Variants in CNGA4 observed in about 807,000 individuals in gnomAD.
CNGA4 encodes cyclic nucleotide gated channel subunit alpha 4.
A neutral mutation model predicts 45.6 loss-of-function variants in CNGA4; 32 were observed. The observed-to-expected ratio is 0.70, with a 90% confidence interval of 0.53 to 0.94. The LOEUF (loss-of-function observed/expected upper bound fraction) is 0.94. Among genes scored for constraint, CNGA4 ranks in the 40% least tolerant of loss-of-function variants. The pLI, the probability that CNGA4 is intolerant of heterozygous loss-of-function variation, is 0.00. For missense variants in CNGA4, 726 were observed against 755.1 expected, an observed-to-expected ratio of 0.96 and a Z score of 0.45; for synonymous variants, 293 against 304.6, an observed-to-expected ratio of 0.96 and a Z score of 0.40.
rs1187219930 is a variant in CNGA4 at position 6,241,772 on chromosome 11, A to G, written c.1259A>G (p.Asn420Ser). The G allele has an allele frequency of 1.9e-6, 3 of 1,613,986 alleles. No homozygotes were observed. Among genetic ancestry groups the G allele is most frequent in the South Asian group, 1.1e-5 (1 of 91,082 alleles). Residue 420 changes from asparagine (N) to serine (S), a missense_variant, in exon 5 of 6, where the codon AAC becomes AGC. Transcript: ENST00000379936. Reference sequence around the variant, plus strand: ...TACTTTGGGGAGATCAGCATCATCAACATCAAAGGTGGGTATCCCAGTATT... The same window carrying G: ...TACTTTGGGGAGATCAGCATCATCAGCATCAAAGGTGGGTATCCCAGTATT... ...GLYFGEISII[N>S]IKGNMSGNRR...
chr11:6,240,395 T>G lies in CNGA4; in HGVS notation c.601T>G (p.Trp201Gly), dbSNP rs1211538852. 1.2e-6 allele frequency: 2 copies of G among 1,614,232 alleles called. No homozygotes were observed. The highest frequency in any genetic ancestry group is 1.1e-5 in the South Asian group (1 of 91,092). The change falls in exon 4 of 6, where the codon TGG becomes GGG. Residue 201 changes from tryptophan to glycine, a missense_variant. Transcript: ENST00000379936. This position sits in a 1 kb window ranked among gnomAD's most constrained non-coding sequence, Gnocchi z 4.9. Reference sequence around the variant, plus strand: ...GTACCTGGGCTTCGGGCGTGACGCATGGGTGTACCCGGACCCCGCGCAGCC... The same window carrying G: ...GTACCTGGGCTTCGGGCGTGACGCAGGGGTGTACCCGGACCCCGCGCAGCC... The part of the protein sequence containing the change: ...SRYLGFGRDA[W>G]VYPDPAQPGF...
intron 5 of CNGA4, 75 bp from the exon 6 acceptor site, chr11:6,243,874 T>C: frequency 7.4e-7 from 1 of 1,348,922 alleles, no homozygotes; most frequent in Non-Finnish European, 1.0e-6. Context: ...GAGGTGAAGG[T>C]CCTGGTTCAG....
chr11:6,235,213 G>A (rs143719132), upstream of CNGA4, among the ~76,000 whole-genome samples: 210 of 152,266 alleles, frequency 1.4e-3, 1 homozygote, highest in East Asian at 0.014. Context: ...GGCTGACTGC[G>A]GGCACTCTAG....
rs560181438 is a variant in CNGA4 at position 6,244,294 on chromosome 11, A to G, written c.1613A>G (p.Glu538Gly). 6.2e-7 allele frequency: 1 copy of G among 1,614,104 alleles called. No individual in the cohort carries two copies. The highest frequency in any genetic ancestry group is 2.2e-5 in the East Asian group (1 of 44,880). Residue 538 changes from glutamate (E) to glycine (G), a missense_variant, in exon 6 of 6, where the codon GAG (glutamate) becomes GGG (glycine). Glu to Gly is a moderately conservative substitution (Grantham distance 98). Coordinates refer to ENST00000379936, the MANE Select transcript of CNGA4 (RefSeq NM_001037329.4). The surrounding 1 kb of genome is among the most constrained non-coding windows in gnomAD (Gnocchi z 4.5). ...RIERLEWQTR[E>G]WPMPEDLAEA... ...GAACGGCTGGAGTGGCAGACTCGAG[A>G]GTGGCCAATGCCCGAGGACCTGGCT...
Position 6,244,025 on chromosome 11 carries a change from G to A in CNGA4, c.1344G>A (p.Glu448=). Residue 448 remains glutamate, a synonymous_variant, in exon 6 of 6, where the codon GAG becomes GAA. Transcript: ENST00000379936. The surrounding 1 kb of genome is among the most constrained non-coding windows in gnomAD (Gnocchi z 4.5). The stretch of plus-strand genomic sequence containing the variant: ...CAGACCTATTCTGCCTGAGCAAGGA[G>A]GACCTGCGGGAGGTGCTGAGCGAGT... ...GYSDLFCLSK[E]DLREVLSEYP... 1 of 1,614,192 alleles carries A rather than the reference G, an allele frequency of 6.2e-7. No homozygotes were observed.
intron 5 of CNGA4, among the ~76,000 whole-genome samples, chr11:6,243,217 T>C (rs1847942700): frequency 6.6e-6 from 1 of 152,220 alleles, no homozygotes; most frequent in South Asian, 2.1e-4. Context: ...TGCATTTCTA[T>C]AAAGAAATAT....
upstream of CNGA4, among the ~76,000 whole-genome samples, chr11:6,235,947 A>G (rs1368101935): frequency 6.6e-6 from 1 of 151,904 alleles, no homozygotes; most frequent in Non-Finnish European, 1.5e-5. Flanking sequence ...TCAAAAAAAA[A>G]AAAAGAAAAG....
chr11:6,244,300 C>T lies in CNGA4; in HGVS notation c.1619C>T (p.Pro540Leu), dbSNP rs762111981. The T allele has an allele frequency of 6.2e-7, 1 of 1,614,098 alleles. No individual in the cohort carries two copies. Among genetic ancestry groups the T allele is most frequent in the South Asian group, 1.1e-5 (1 of 91,072 alleles). ...CTGGAGTGGCAGACTCGAGAGTGGC[C>T]AATGCCCGAGGACCTGGCTGAGGCT... is the stretch of plus-strand genomic sequence containing the variant. The part of the protein sequence containing the change: ...ERLEWQTREW[P>L]MPEDLAEADD... The change falls in exon 6 of 6, where the codon CCA becomes CTA. Residue 540 changes from proline to leucine, a missense_variant. Physicochemically the swap from Pro to Leu is moderately conservative, Grantham distance 98 (BLOSUM62 -3). Transcript: ENST00000379936. This position sits in a 1 kb window ranked among gnomAD's most constrained non-coding sequence, Gnocchi z 4.5.
Position 6,244,167 on chromosome 11 carries a change from C to T in CNGA4, c.1486C>T (p.Arg496Trp), listed in dbSNP as rs761042039. The change falls in exon 6 of 6, where the codon CGG becomes TGG. Residue 496 changes from arginine (R) to tryptophan (W), a missense_variant. Transcript: ENST00000379936. This position sits in a 1 kb window ranked among gnomAD's most constrained non-coding sequence, Gnocchi z 4.5. ...CGCCCTGCAGGAGGCCACAGAGTCC[C>T]GGCTACGAGGCCTAGACCAGCAGCT... ...EIALQEATES[R>W]LRGLDQQLDD... is the part of the protein sequence containing the mutation. The T allele has an allele frequency of 9.2e-5, 148 of 1,614,062 alleles. No homozygotes were observed. The highest frequency in any genetic ancestry group is 1.2e-4 in the Admixed American group (7 of 59,996).
At position 6,240,731 on chromosome 11, in the gene CNGA4, G is replaced by A. The variant is rs748833045; in HGVS notation, c.917+20G>A. On this transcript the variant is annotated intron_variant, in intron 4 of 5. Transcript: ENST00000379936. This position sits in a 1 kb window ranked among gnomAD's most constrained non-coding sequence, Gnocchi z 4.9. ...TGACTGGTGAGAAGGCGGGGTTCCA[G>A]ACCAGGACAGGGACCAGTGTAGGTG... 4 of 1,604,716 alleles carry A rather than the reference G, an allele frequency of 2.5e-6. No individual in the cohort carries two copies. Among genetic ancestry groups the A allele is most frequent in the Non-Finnish European group, 3.4e-6 (4 of 1,174,668 alleles).
chr11:6,240,264 CAG>C lies in CNGA4; in HGVS notation c.474_475del (p.Glu158AspfsTer41). 1 of 1,614,248 alleles carries C rather than the reference CAG, an allele frequency of 6.2e-7. No individual in the cohort carries two copies. The highest frequency in any genetic ancestry group is 1.1e-5 in the South Asian group (1 of 91,090). On this transcript the variant is annotated frameshift_variant, in exon 4 of 6. Coordinates refer to ENST00000379936, the MANE Select transcript of CNGA4 (RefSeq NM_001037329.4). LOFTEE classifies it high-confidence loss of function. The surrounding 1 kb of genome is among the most constrained non-coding windows in gnomAD (Gnocchi z 4.9). ...CGCCTCTTCGAGGCCTTCGACCGCA[CAG>C]AGACCCGCACAGCTTACCCAAATGC... is the stretch of plus-strand genomic sequence containing the variant.
rs150327554 is a variant in CNGA4 at position 6,241,678 on chromosome 11, C to T, written c.1165C>T (p.Arg389Ter). Residue 389 changes from arginine (R) to a stop codon, truncating the protein, a stop_gained, in exon 5 of 6, where the codon CGA becomes TGA. Transcript: ENST00000379936. LOFTEE classifies it high-confidence loss of function. The stretch of plus-strand genomic sequence containing the variant: ...CATTGGCCAAGAGATGTACATCATC[C>T]GAGAGGGTCAACTGGCCGTGGTGGC... ...GDIGQEMYII[R>*]EGQLAVVADD... 18 of 1,614,000 alleles carry T rather than the reference C, an allele frequency of 1.1e-5. No individual in the cohort carries two copies. In the East Asian group the frequency reaches 2.0e-4, roughly 18 times the overall value.
At chr11:6,235,427 AATT>A, upstream of CNGA4, 1 of 967,454 alleles carries the variant, frequency 1.0e-6, no homozygotes, top group South Asian at 4.8e-5. Context: ...GACCTCAGAG[AATT>A]GCAGCGTAGT....
Position 6,244,203 on chromosome 11 carries a change from C to T in CNGA4, c.1522C>T (p.Gln508Ter). The part of the protein sequence containing the change: ...RGLDQQLDDL[Q>*]TKFARLLAEL... ...CCTAGACCAGCAGCTGGATGATCTA[C>T]AGACCAAGTTTGCTCGCCTCCTGGC... is the stretch of plus-strand genomic sequence containing the variant. Residue 508 changes from glutamine (Q) to a stop codon, truncating the protein, a stop_gained, in exon 6 of 6, where the codon CAG (glutamine) becomes TAG (stop). Transcript: ENST00000379936. LOFTEE classifies it high-confidence loss of function. This position sits in a 1 kb window ranked among gnomAD's most constrained non-coding sequence, Gnocchi z 4.5. 1.2e-6 allele frequency: 2 copies of T among 1,614,218 alleles called. No homozygotes were observed. Among genetic ancestry groups the T allele is most frequent in the Non-Finnish European group, 8.5e-7 (1 of 1,180,046 alleles).
At chr11:6,235,783 A>G (rs1847825803), upstream of CNGA4, among the ~76,000 whole-genome samples, 1 of 151,986 alleles carries the variant, frequency 6.6e-6, no homozygotes. Flanking sequence ...TACTACAAAT[A>G]CAAAAATTAA....
At position 6,239,710 on chromosome 11, in the gene CNGA4, G is replaced by T; in HGVS notation, c.191G>T (p.Gly64Val). Reference sequence around the variant, plus strand: ...GCCTGCTTCCCCGACTTGCAGCACGGTTATCTGGTGGCCTGGTTGGTGCTG... The same window carrying T: ...GCCTGCTTCCCCGACTTGCAGCACGTTTATCTGGTGGCCTGGTTGGTGCTG... ...CRACFPDLQH[G>V]YLVAWLVLDY... The change falls in exon 3 of 6, where the codon GGT becomes GTT. Residue 64 changes from glycine to valine, a missense_variant. By Grantham distance (109) the Gly-to-Val change is moderately radical. Transcript: ENST00000379936. 2 of 1,614,150 alleles carry T rather than the reference G, an allele frequency of 1.2e-6. No homozygotes were observed. Among genetic ancestry groups the T allele is most frequent in the Non-Finnish European group, 1.7e-6 (2 of 1,179,992 alleles).
chr11:6,243,112 C>G (rs1174357271), intron 5 of CNGA4, among the ~76,000 whole-genome samples: 1 of 152,200 alleles, frequency 6.6e-6, no homozygotes, highest in Non-Finnish European at 1.5e-5. Flanking sequence ...TCCCTCTGTT[C>G]CTGCTCCTTC....
In CNGA4 at chr11:6,239,148, G is replaced by A. The variant is rs1847872359; in HGVS notation, c.-59G>A. The A allele has an allele frequency of 6.2e-7, 1 of 1,611,484 alleles. No individual in the cohort carries two copies. Among genetic ancestry groups the A allele is most frequent in the African/African-American group, 1.3e-5 (1 of 74,838 alleles). ...CAGGCACTAGTGCCCAACTCCAGAA[G>A]TCCCCTACAGGCAGAGAGGGTGTGG... On this transcript the variant is annotated 5_prime_UTR_variant, in exon 1 of 6. Coordinates refer to ENST00000379936, the MANE Select transcript of CNGA4 (RefSeq NM_001037329.4).
rs1678107137 is a variant in CNGA4, at chr11:6,240,710, T to G, written c.916T>G (p.Trp306Gly). The change falls in exon 4 of 6, where the codon TGG (tryptophan) becomes GGG (glycine). Residue 306 changes from tryptophan (W) to glycine (G), a missense_variant and splice_region_variant. Coordinates refer to ENST00000379936, the MANE Select transcript of CNGA4 (RefSeq NM_001037329.4). This position sits in a 1 kb window ranked among gnomAD's most constrained non-coding sequence, Gnocchi z 4.9. ...CAAGCTGGAGCGGCGAGTTATTGAC[T>G]GGTGAGAAGGCGGGGTTCCAGACCA... ...NRKLERRVIDWYQHLQINKKM... is the reference protein window; with the variant it reads ...NRKLERRVIDGYQHLQINKKM... 1 of 1,611,194 alleles carries G rather than the reference T, an allele frequency of 6.2e-7. No individual in the cohort carries two copies. The highest frequency in any genetic ancestry group is 8.5e-7 in the Non-Finnish European group (1 of 1,177,922).
Sources: gnomAD v4.1 joint callset for allele counts (sites outside exome capture counted in the v4.1 genomes callset) on GRCh38, gnomAD v4.1.1 for gene constraint, Gnocchi (gnomAD v3.1) non-coding constraint, MANE v1.5 for transcripts, NCBI Gene and HGNC (gene_info 2026-07-23, HGNC 2026-07-21) for gene names.